KIRREL3: variants seen among roughly 807,000 people sequenced by gnomAD.
KIRREL3 encodes kin of IRRE-like protein 3.
KIRREL3 carries 36 observed loss-of-function variants against 89.7 expected under a neutral mutation model. The ratio of observed to expected loss-of-function variants is 0.40; its 90% confidence interval spans 0.31 to 0.53. KIRREL3 has a LOEUF of 0.53. Ranked by LOEUF, KIRREL3 falls within the 20% of genes least tolerant of loss-of-function variation. The pLI is 0.49. For missense variants in KIRREL3, 864 were observed against 1,056.6 expected (o/e 0.82, Z 2.53); for synonymous variants, 445 against 441.4 (o/e 1.01, Z -0.10).
At chr11:126,467,497 C>T (rs1207991039) in intron 5 of KIRREL3, among the ~76,000 whole-genome samples, 1 of 152,174 alleles carries the variant, frequency 6.6e-6, no homozygotes, top group African/African-American at 2.4e-5. Context: ...GGTGGGGGCC[C>T]AAGCACTGGT....
intron 12 of KIRREL3, 126 bp from the exon 13 acceptor site, chr11:126,435,429 C>T (rs950867624): frequency 4.4e-6 from 4 of 914,384 alleles, no homozygotes; most frequent in Non-Finnish European, 7.0e-6. Flanking sequence ...CTCTGGGACC[C>T]CCCAACAGAT....
At chr11:126,690,492 T>C (rs1293432939) in intron 1 of KIRREL3, among the ~76,000 whole-genome samples, 4 of 151,826 alleles carry the variant, frequency 2.6e-5, no homozygotes, top group African/African-American at 9.7e-5. Flanking sequence ...AGGGCTCTGG[T>C]TGGGAAAATG....
intron 1 of KIRREL3, among the ~76,000 whole-genome samples, chr11:126,868,239 G>A (rs1944988152): frequency 1.3e-5 from 2 of 150,374 alleles, no homozygotes; most frequent in South Asian, 4.3e-4. Context: ...AGGTGGCAAT[G>A]CTCAGATTGG....
At chr11:126,850,918 C>T (rs1485499154) in intron 1 of KIRREL3, among the ~76,000 whole-genome samples, 1 of 152,180 alleles carries the variant, frequency 6.6e-6, no homozygotes, top group Non-Finnish European at 1.5e-5. Context: ...CTAACAGTTA[C>T]CGGACAGGCC....
At chr11:126,964,224 A>G (rs1035813568) in intron 1 of KIRREL3, among the ~76,000 whole-genome samples, 1 of 152,170 alleles carries the variant, frequency 6.6e-6, no homozygotes, top group African/African-American at 2.4e-5. Context: ...CCCAGCTGAT[A>G]GACTATTCCA....
intron 11 of KIRREL3, among the ~76,000 whole-genome samples, chr11:126,438,267 G>A (rs186676589): frequency 3.3e-5 from 5 of 152,244 alleles, no homozygotes; most frequent in Non-Finnish European, 5.9e-5. Context: ...GATCACCTTC[G>A]TCTGCCTTAG....
rs76782280 is a variant in KIRREL3, at chr11:126,990,623, G to T, written c.55+9832C>A. On this transcript the variant is annotated intron_variant, in intron 1 of 16. Coordinates refer to ENST00000525144, the MANE Select transcript of KIRREL3 (RefSeq NM_032531.4). The surrounding 1 kb of genome is among the most constrained non-coding windows in gnomAD (Gnocchi z 6.3). ...GGCCCAAAATAGTGCCCCAGCTCTT[G>T]GTGCGGCTTCAGAAGAACAGCTCCT... 0.013 allele frequency among the ~76,000 whole-genome samples: 1,933 copies of T among 152,316 alleles called. 51 individuals are homozygous for T. Among genetic ancestry groups the T allele is most frequent in the East Asian group, 0.12 (609 of 5,174 alleles).
rs186148353 is a variant in KIRREL3, at chr11:126,611,202, C to T, written c.56-48290G>A. On this transcript the variant is annotated intron_variant, in intron 1 of 16. Transcript: ENST00000525144. This position sits in a 1 kb window ranked among gnomAD's most constrained non-coding sequence, Gnocchi z 4.7. ...GAAAAAGGATCGTGGGGAAATGAAACGAGAGAATACATGTAACGTTCTTGG... is the reference window on the plus strand; with the variant it reads ...GAAAAAGGATCGTGGGGAAATGAAATGAGAGAATACATGTAACGTTCTTGG... Among the ~76,000 whole-genome samples the T allele has an allele frequency of 2.2e-4, 33 of 152,248 alleles. No homozygotes were observed. Among genetic ancestry groups the T allele is most frequent in the Non-Finnish European group, 3.7e-4 (25 of 68,008 alleles).
At chr11:126,505,655 T>A (rs548442795) in intron 4 of KIRREL3, among the ~76,000 whole-genome samples, 1 of 152,306 alleles carries the variant, frequency 6.6e-6, no homozygotes, top group East Asian at 1.9e-4. Flanking sequence ...CATCTATATA[T>A]AATCTTAGCA....
rs913109747 is a variant in KIRREL3, at chr11:126,601,313, G to A, written c.56-38401C>T. On this transcript the variant is annotated intron_variant, in intron 1 of 16. Coordinates refer to ENST00000525144, the MANE Select transcript of KIRREL3 (RefSeq NM_032531.4). The surrounding 1 kb of genome is among the most constrained non-coding windows in gnomAD (Gnocchi z 5.8). ...CTGGCAGAGAGACTGAGCGGCAGCC[G>A]TGGGCATCTTGGGTTTTGCAGCTCA... Among the ~76,000 whole-genome samples the A allele has an allele frequency of 2.8e-4, 43 of 152,306 alleles. No homozygotes were observed. The highest frequency in any genetic ancestry group is 9.9e-4 in the African/African-American group (41 of 41,572).
Position 126,797,073 on chromosome 11 carries a change from GGAA to G in KIRREL3, c.55+203379_55+203381del, listed in dbSNP as rs1187702647. On this transcript the variant is annotated intron_variant, in intron 1 of 16. Coordinates refer to ENST00000525144, the MANE Select transcript of KIRREL3 (RefSeq NM_032531.4). The surrounding 1 kb of genome is among the most constrained non-coding windows in gnomAD (Gnocchi z 4.9). ...TTGGAGGAGCTGTCTGTTGCGGGAG[GGAA>G]GAAGAAGCCTCATTCAGATCCCCCA... 6.6e-6 allele frequency among the ~76,000 whole-genome samples: 1 copy of G among 152,160 alleles called. No homozygotes were observed. Among genetic ancestry groups the G allele is most frequent in the Non-Finnish European group, 1.5e-5 (1 of 68,024 alleles).
intron 1 of KIRREL3, among the ~76,000 whole-genome samples, chr11:126,938,226 C>T (rs529399938): frequency 1.1e-4 from 16 of 152,306 alleles, no homozygotes; most frequent in Admixed American, 4.6e-4. Context: ...ATCAAACCAA[C>T]ATCAAAATGC....
intron 1 of KIRREL3, among the ~76,000 whole-genome samples, chr11:126,654,337 GTT>G (rs5795513): frequency 0.51 from 71,254 of 138,930 alleles, 18,143 homozygotes; most frequent in Admixed American, 0.6. Flanking sequence ...TAAACTGAAA[GTT>G]TTTTTTTTTT....
chr11:126,798,479 T>C (rs1230229854), intron 1 of KIRREL3, among the ~76,000 whole-genome samples: 2 of 152,242 alleles, frequency 1.3e-5, no homozygotes, highest in Non-Finnish European at 2.9e-5. Context: ...ATTTTCCATT[T>C]GATGTTTCAC....
chr11:126,818,244 G>T (rs560687282), intron 1 of KIRREL3, among the ~76,000 whole-genome samples: 2 of 152,288 alleles, frequency 1.3e-5, no homozygotes, highest in South Asian at 4.2e-4. Flanking sequence ...CAGATTATAG[G>T]ACAGCTGTTT....
rs1957520680 is a variant in KIRREL3, at chr11:126,491,706, T to C, written c.434-18240A>G. On this transcript the variant is annotated intron_variant, in intron 4 of 16. Transcript: ENST00000525144. This position sits in a 1 kb window ranked among gnomAD's most constrained non-coding sequence, Gnocchi z 5.5. ...GATGTTTTTCTTTTTTTCTTTTTTCTTTTTTTTTATATTTATACGGAGTCT... is the reference window on the plus strand; with the variant it reads ...GATGTTTTTCTTTTTTTCTTTTTTCCTTTTTTTTATATTTATACGGAGTCT... 6.6e-6 allele frequency among the ~76,000 whole-genome samples: 1 copy of C among 151,504 alleles called. No individual in the cohort carries two copies. Among genetic ancestry groups the C allele is most frequent in the Non-Finnish European group, 1.5e-5 (1 of 67,844 alleles).
chr11:126,910,956 T>C (rs1485299257), intron 1 of KIRREL3, among the ~76,000 whole-genome samples: 2 of 152,146 alleles, frequency 1.3e-5, no homozygotes, highest in African/African-American at 4.8e-5. Context: ...GATGTTCTCA[T>C]TGCCGGGGGA....
In KIRREL3 at chr11:126,496,287, A is replaced by C. The variant is rs1165079552; in HGVS notation, c.434-22821T>G. On this transcript the variant is annotated intron_variant, in intron 4 of 16. Transcript: ENST00000525144. The surrounding 1 kb of genome is among the most constrained non-coding windows in gnomAD (Gnocchi z 4.9). ...CTGTGCTGTTTGCAAAATGCTTTCT[A>C]TACACGTTCATCTTTCTCTTTACCA... 6.6e-6 allele frequency among the ~76,000 whole-genome samples: 1 copy of C among 152,216 alleles called. No individual in the cohort carries two copies. The highest frequency in any genetic ancestry group is 2.4e-5 in the African/African-American group (1 of 41,452).
rs1006688274 is a variant in KIRREL3 at position 126,720,952 on chromosome 11, T to C, written c.56-158040A>G. On this transcript the variant is annotated intron_variant, in intron 1 of 16. Transcript: ENST00000525144. Reference sequence around the variant, plus strand: ...GGGAACAATCTGGGAGAAAGGTCTATTTCATGTGCTTGAGAGAGGGGAGAG... The same window carrying C: ...GGGAACAATCTGGGAGAAAGGTCTACTTCATGTGCTTGAGAGAGGGGAGAG... Among the ~76,000 whole-genome samples, 5 of 152,146 alleles carry C rather than the reference T, an allele frequency of 3.3e-5. 1 individual carries two copies. The South Asian group carries it at 1.0e-3, about 32-fold the overall frequency.
Sources: allele counts gnomAD v4.1 joint callset (sites outside exome capture counted in the v4.1 genomes callset), GRCh38; gene constraint gnomAD v4.1.1; non-coding constraint Gnocchi (gnomAD v3.1); transcripts MANE v1.5; gene names NCBI Gene and HGNC (gene_info 2026-07-23, HGNC 2026-07-21).